The following PFKM variants were observed in gnomAD, a reference collection of about 807,000 sequenced individuals.
PFKM encodes phosphofructokinase, muscle.
PFKM carries 58 observed loss-of-function variants against 95.5 expected under a neutral mutation model. That is an observed-to-expected ratio of 0.61 (90% CI 0.49 to 0.76). The LOEUF is 0.76. Ranked by LOEUF, PFKM falls within the 30% of genes least tolerant of loss-of-function variation. The probability of loss-of-function intolerance (pLI) is 0.00; values close to 1 mark genes in which losing one functional copy is unlikely to be tolerated. For synonymous variants in PFKM, 336 were observed against 357.2 expected (o/e 0.94, Z 0.67); for missense variants, 678 against 1,005.4 (o/e 0.67, Z 4.40).
chr12:48,130,031 T>C (rs920382008), intron 2 of PFKM, among the ~76,000 whole-genome samples: 2 of 152,202 alleles, frequency 1.3e-5, no homozygotes, highest in African/African-American at 4.8e-5. Flanking sequence ...CTTGGCAGTG[T>C]CTAGCCCACA....
chr12:48,118,515 G>GT (rs1189868552), upstream of PFKM: 2 of 1,524,106 alleles, frequency 1.3e-6, no homozygotes, highest in Admixed American at 2.0e-5. Flanking sequence ...GTAAGCAAGA[G>GT]GAAGAGGGCA....
At chr12:48,142,428 G>T (rs572399468) in intron 17 of PFKM, 2 of 430,548 alleles carry the variant, frequency 4.6e-6, no homozygotes, top group South Asian at 4.3e-5. Flanking sequence ...AGCAGAGATC[G>T]TGCCACTTTA....
chr12:48,135,946 T>C (rs1410012170), intron 10 of PFKM, among the ~76,000 whole-genome samples: 1 of 151,950 alleles, frequency 6.6e-6, no homozygotes, highest in Non-Finnish European at 1.5e-5. Flanking sequence ...TGGAGTGCAA[T>C]GGTGCGACCT....
intron 2 of PFKM, among the ~76,000 whole-genome samples, chr12:48,128,714 T>C (rs1158346781): frequency 6.6e-6 from 1 of 152,198 alleles, no homozygotes; most frequent in Non-Finnish European, 1.5e-5. Context: ...TGATGGTTTT[T>C]TAGTTTGGTG....
intron 2 of PFKM, among the ~76,000 whole-genome samples, chr12:48,129,574 G>A (rs1459313778): frequency 6.6e-6 from 1 of 152,142 alleles, no homozygotes; most frequent in Non-Finnish European, 1.5e-5. Flanking sequence ...CTGGCAGTGT[G>A]ATAACTAGTA....
At chr12:48,120,020 C>T (rs1192016987) in intron 1 of PFKM, 4 of 152,112 alleles carry the variant, frequency 2.6e-5, no homozygotes, top group African/African-American at 9.7e-5. Flanking sequence ...GATTCTGCCC[C>T]CGTCATGAGC....
chr12:48,133,190 T>C (rs573884167), intron 5 of PFKM, 125 bp from the exon 6 acceptor site: 117 of 1,270,088 alleles, frequency 9.2e-5, no homozygotes, highest in Admixed American at 4.9e-4. Flanking sequence ...AGGCAGTCTT[T>C]GCCCTCCTTT....
upstream of PFKM, among the ~76,000 whole-genome samples, chr12:48,116,255 C>G (rs113411912): frequency 5.3e-3 from 792 of 149,100 alleles, 10 homozygotes; most frequent in African/African-American, 0.019. Flanking sequence ...CCTCCTTTCT[C>G]TCTCTCCACC....
chr12:48,106,113 T>C (rs1474793428), exon 1 of PFKM: 10 of 702,530 alleles, frequency 1.4e-5, no homozygotes, highest in Middle Eastern at 2.3e-4. Context: ...CGGAACCGCC[T>C]TCACAGCACC....
rs750262919 is a variant in PFKM, at chr12:48,134,266, C to T, written c.628C>T (p.Arg210Cys). The change falls in exon 7 of 23, where the codon CGC becomes TGC. Residue 210 changes from arginine (R) to cysteine (C), a missense_variant. Physicochemically the swap from Arg to Cys is radical, Grantham distance 180. Transcript: ENST00000359794. ...QRTFVLEVMG[R>C]HCGYLALVTS... ...GACATTTGTGTTAGAAGTAATGGGC[C>T]GCCACTGTGGGTAAGATCCTCATTC... 7.4e-6 allele frequency: 12 copies of T among 1,613,320 alleles called. No individual in the cohort carries two copies. The highest frequency in any genetic ancestry group is 4.0e-5 in the African/African-American group (3 of 74,866).
intron 11 of PFKM, 136 bp from the exon 12 acceptor site, chr12:48,139,149 T>C (rs1488234158): frequency 6.9e-6 from 5 of 725,802 alleles, no homozygotes; most frequent in Non-Finnish European, 1.3e-5. Context: ...TTTGGGGGCA[T>C]AGGAAAGGTG....
intron 18 of PFKM, 43 bp downstream of exon 18, chr12:48,142,989 T>G: frequency 6.3e-7 from 1 of 1,578,488 alleles, no homozygotes; most frequent in Non-Finnish European, 8.7e-7. Context: ...CTCCCCTGTC[T>G]CCAGACTGTT....
intron 1 of PFKM, chr12:48,106,577 C>G: frequency 5.6e-6 from 1 of 179,294 alleles, no homozygotes. Context: ...TTAGTCTTAC[C>G]AGGTTCAGAG....
chr12:48,108,494 A>G (rs1471160513), intron 3 of PFKM, among the ~76,000 whole-genome samples: 1 of 152,234 alleles, frequency 6.6e-6, no homozygotes, highest in Admixed American at 6.5e-5. Context: ...CAATTGGCTC[A>G]TAACTGTAAA....
In PFKM at chr12:48,106,141, G is replaced by T. The variant is rs745406901; in HGVS notation, c.-10+4G>T. On this transcript the variant is annotated splice_donor_region_variant and intron_variant, in intron 1 of 24. Transcript: ENST00000340802. ...ACAGCACCGGAAGAGTCGCTAGGTG[G>T]CTGAAGAGGAGGGGGCTGGGGCAGG... is the stretch of plus-strand genomic sequence containing the variant. 68 of 702,500 alleles carry T rather than the reference G, an allele frequency of 9.7e-5. No homozygotes were observed. The African/African-American group carries it at 1.1e-3, about 11-fold the overall frequency. The allele number at this position is 702,500 out of a possible 1,614,324, so 43.5% of individuals were successfully genotyped here. A position where few individuals can be genotyped will look rare whatever the true frequency, so the allele number is the denominator to read the frequency against.
At chr12:48,106,919 A>G (rs1340135784) in intron 1 of PFKM, among the ~76,000 whole-genome samples, 2 of 152,196 alleles carry the variant, frequency 1.3e-5, no homozygotes, top group African/African-American at 2.4e-5. Flanking sequence ...CCTGGGACAC[A>G]TTGATTAACC....
chr12:48,121,494 A>G (rs922767234), intron 1 of PFKM, among the ~76,000 whole-genome samples: 1 of 152,212 alleles, frequency 6.6e-6, no homozygotes, highest in African/African-American at 2.4e-5. Flanking sequence ...GTCTCATTGC[A>G]TTATTTTATT....
chr12:48,113,051 G>A (rs58107323), intron 3 of PFKM, among the ~76,000 whole-genome samples: 156 of 152,232 alleles, frequency 1.0e-3, no homozygotes, highest in African/African-American at 3.6e-3. Context: ...AATGAGGTGT[G>A]GCTGTAGCCC....
intron 2 of PFKM, among the ~76,000 whole-genome samples, chr12:48,128,918 A>G (rs1335524045): frequency 6.6e-6 from 1 of 152,206 alleles, no homozygotes; most frequent in Non-Finnish European, 1.5e-5. Flanking sequence ...GTGCATCACC[A>G]TGTGCTCCTT....
Sources: allele counts gnomAD v4.1 joint callset (sites outside exome capture counted in the v4.1 genomes callset), GRCh38; gene constraint gnomAD v4.1.1; transcripts MANE v1.5; gene names NCBI Gene and HGNC (gene_info 2026-07-23, HGNC 2026-07-21).